Variants in PHACTR3 observed in about 807,000 individuals in gnomAD.
PHACTR3 encodes the protein phosphatase and actin regulator 3, also known as protein phosphatase 1, regulatory subunit 123.
PHACTR3 carries 16 observed loss-of-function variants against 66.8 expected under a neutral mutation model. That is an observed-to-expected ratio of 0.24 (90% CI 0.16 to 0.36). The LOEUF (loss-of-function observed/expected upper bound fraction) is 0.36, where lower values mean the gene tolerates loss of function less well. Among genes scored for constraint, PHACTR3 ranks in the 10% least tolerant of loss-of-function variants. The pLI is 1.00. For missense variants in PHACTR3, 647 were observed against 719.9 expected, an observed-to-expected ratio of 0.90 and a Z score of 1.16; for synonymous variants, 323 against 292.1, an observed-to-expected ratio of 1.11 and a Z score of -1.08.
chr20:59,578,156 G>C (rs942943272), intron 1 of PHACTR3, among the ~76,000 whole-genome samples: 2 of 152,230 alleles, frequency 1.3e-5, no homozygotes, highest in Non-Finnish European at 2.9e-5. Flanking sequence ...AGAGGGTCCA[G>C]CTGCAGTTCA....
At chr20:59,669,385 A>G (rs1321133262) in intron 1 of PHACTR3, among the ~76,000 whole-genome samples, 1 of 152,230 alleles carries the variant, frequency 6.6e-6, no homozygotes, top group African/African-American at 2.4e-5. Context: ...ATTATACTCA[A>G]GAAGTGGCCT....
At chr20:59,599,070 A>T (rs375752192) in intron 1 of PHACTR3, among the ~76,000 whole-genome samples, 1 of 152,240 alleles carries the variant, frequency 6.6e-6, no homozygotes. Context: ...GCCCCAGAGA[A>T]GAAACTAGAT....
chr20:59,772,235 A>G (rs1216367973), intron 5 of PHACTR3, among the ~76,000 whole-genome samples: 1 of 152,228 alleles, frequency 6.6e-6, no homozygotes, highest in Non-Finnish European at 1.5e-5. Context: ...GGAGACTGTC[A>G]TTGATGGAAG....
At chr20:59,814,064 C>T (rs780102653) in intron 8 of PHACTR3, among the ~76,000 whole-genome samples, 3 of 152,198 alleles carry the variant, frequency 2.0e-5, no homozygotes, top group Non-Finnish European at 4.4e-5. Context: ...ACCAAGGAGG[C>T]GCTGGCTAAG....
intron 1 of PHACTR3, among the ~76,000 whole-genome samples, chr20:59,729,876 T>A (rs1568754935): frequency 1.3e-5 from 2 of 152,062 alleles, no homozygotes; most frequent in African/African-American, 2.4e-5. Context: ...TGGGTGAAAA[T>A]CCTCCTCGGT....
intron 5 of PHACTR3, among the ~76,000 whole-genome samples, chr20:59,768,313 G>A (rs757969017): frequency 2.6e-5 from 4 of 152,338 alleles, no homozygotes; most frequent in Non-Finnish European, 4.4e-5. Flanking sequence ...GGCTGTGGGC[G>A]TGAAACATGA....
chr20:59,718,287 T>A (rs573206066), intron 1 of PHACTR3, among the ~76,000 whole-genome samples: 1 of 152,292 alleles, frequency 6.6e-6, no homozygotes, highest in Non-Finnish European at 1.5e-5. Context: ...CTGGTTGCTG[T>A]GTGGCTGAGA....
At chr20:59,685,855 C>T (rs2036843202) in intron 1 of PHACTR3, among the ~76,000 whole-genome samples, 1 of 152,180 alleles carries the variant, frequency 6.6e-6, no homozygotes, top group East Asian at 1.9e-4. Context: ...GGTTCTGCTT[C>T]CCCCAACCAC....
At chr20:59,785,497 A>C (rs2040872223) in intron 7 of PHACTR3, among the ~76,000 whole-genome samples, 1 of 152,194 alleles carries the variant, frequency 6.6e-6, no homozygotes, top group Non-Finnish European at 1.5e-5. Context: ...AGAAACTGGC[A>C]GGAGCTGGGG....
intron 1 of PHACTR3, among the ~76,000 whole-genome samples, chr20:59,663,423 C>T (rs1461495742): frequency 6.6e-6 from 1 of 152,220 alleles, no homozygotes; most frequent in Non-Finnish European, 1.5e-5. Context: ...ACCAGAAACA[C>T]ACATGGACGT....
At chr20:59,644,054 C>T (rs1336983391) in intron 1 of PHACTR3, among the ~76,000 whole-genome samples, 4 of 152,170 alleles carry the variant, frequency 2.6e-5, no homozygotes, top group Admixed American at 1.3e-4. Context: ...TGCCTGCATC[C>T]GTCGGACTTG....
At chr20:59,655,054 T>C (rs1193482204) in intron 1 of PHACTR3, among the ~76,000 whole-genome samples, 3 of 152,114 alleles carry the variant, frequency 2.0e-5, no homozygotes, top group Non-Finnish European at 4.4e-5. Flanking sequence ...ACAAGTCCTT[T>C]TGCGGATCTA....
At chr20:59,817,284 C>T (rs2041913310) in intron 8 of PHACTR3, among the ~76,000 whole-genome samples, 1 of 152,206 alleles carries the variant, frequency 6.6e-6, no homozygotes, top group East Asian at 1.9e-4. Flanking sequence ...GTCTCCAGGC[C>T]AGGGTCTGCA....
At chr20:59,724,631 A>C (rs780115559) in intron 1 of PHACTR3, among the ~76,000 whole-genome samples, 5 of 152,134 alleles carry the variant, frequency 3.3e-5, no homozygotes, top group Non-Finnish European at 7.4e-5. Context: ...CAGGGCCGTC[A>C]CCCAATGCTG....
At chr20:59,839,213 A>G (rs990533804) in intron 9 of PHACTR3, among the ~76,000 whole-genome samples, 2 of 152,146 alleles carry the variant, frequency 1.3e-5, no homozygotes, top group East Asian at 1.9e-4. Context: ...CAGCTTTCTG[A>G]TGATACCTTA....
intron 1 of PHACTR3, among the ~76,000 whole-genome samples, chr20:59,726,961 A>G (rs2038586435): frequency 6.6e-6 from 1 of 152,170 alleles, no homozygotes; most frequent in Non-Finnish European, 1.5e-5. Flanking sequence ...CTTAATTTAA[A>G]TAACCAAAGA....
intron 1 of PHACTR3, among the ~76,000 whole-genome samples, chr20:59,635,089 C>A (rs1318464110): frequency 6.9e-6 from 1 of 143,916 alleles, no homozygotes; most frequent in African/African-American, 2.7e-5. Flanking sequence ...TTTTTTCTTT[C>A]TTTCTTTCTC....
intron 2 of PHACTR3, among the ~76,000 whole-genome samples, chr20:59,744,472 G>A (rs1438834081): frequency 1.3e-5 from 2 of 152,210 alleles, no homozygotes; most frequent in East Asian, 1.9e-4. Flanking sequence ...CAGCCCTGGC[G>A]AGTGCCCGTC....
chr20:59,752,270 C>T lies in PHACTR3; in HGVS notation c.359-2912C>T, dbSNP rs943419864. Among the ~76,000 whole-genome samples, 9 of 152,350 alleles carry T rather than the reference C, an allele frequency of 5.9e-5. No homozygotes were observed. The South Asian group carries it at 1.7e-3, about 28-fold the overall frequency. ...ACATGTGCCACGACACACGTGTGTG[C>T]CTGCGTGTGCATCTGTGAGTGTGTG... On this transcript the variant is annotated intron_variant, in intron 3 of 12. Coordinates refer to ENST00000371015, the MANE Select transcript of PHACTR3 (RefSeq NM_080672.5).
Sources: gnomAD v4.1 joint callset for allele counts (sites outside exome capture counted in the v4.1 genomes callset) on GRCh38, gnomAD v4.1.1 for gene constraint, MANE v1.5 for transcripts, NCBI Gene and HGNC (gene_info 2026-07-23, HGNC 2026-07-21) for gene names.